Variants in NCOA1 observed in about 807,000 individuals in gnomAD.
NCOA1 encodes the protein nuclear receptor coactivator 1, also known as Hin-2 protein.
NCOA1 carries 35 observed loss-of-function variants against 150.9 expected under a neutral mutation model. That is an observed-to-expected ratio of 0.23 (90% CI 0.18 to 0.31). The LOEUF is 0.31. Among genes scored for constraint, NCOA1 ranks in the 10% least tolerant of loss-of-function variants. NCOA1 has a pLI of 1.00. For synonymous variants in NCOA1, 590 were observed against 630.0 expected (o/e 0.94, Z 0.95); for missense variants, 1,491 against 1,749.3 (o/e 0.85, Z 2.63).
At chr2:24,628,823 C>A (rs998423771) in intron 3 of NCOA1, among the ~76,000 whole-genome samples, 3 of 152,080 alleles carry the variant, frequency 2.0e-5, no homozygotes, top group African/African-American at 7.2e-5. Context: ...ATAGGAGAAA[C>A]TTTTAGGAAA....
intron 1 of NCOA1, among the ~76,000 whole-genome samples, chr2:24,540,257 T>C (rs142819247): frequency 6.6e-4 from 101 of 152,326 alleles, no homozygotes; most frequent in African/African-American, 2.4e-3. Context: ...TTCTAAAATG[T>C]GTACCTAATA....
chr2:24,769,022 A>G lies in NCOA1; in HGVS notation c.*631A>G, dbSNP rs56174197. ...AGATGCCTCCAGGAAAGAGGACGAA[A>G]TGAGTATATTCACAGAGGAATCCAA... On this transcript the variant is annotated 3_prime_UTR_variant, in exon 23 of 23. Transcript: ENST00000348332. 2,248 of 213,418 alleles carry G rather than the reference A, an allele frequency of 0.011. 53 individuals are homozygous for G. Among genetic ancestry groups the G allele is most frequent in the African/African-American group, 0.048 (2,125 of 44,280 alleles). 13.2% of individuals were successfully genotyped at this position (213,418 alleles called of 1,614,324 possible). A position where few individuals can be genotyped will look rare whatever the true frequency, so the allele number is the denominator to read the frequency against.
intron 17 of NCOA1, among the ~76,000 whole-genome samples, chr2:24,735,435 T>C (rs1313436736): frequency 1.3e-5 from 2 of 152,284 alleles, no homozygotes; most frequent in East Asian, 3.9e-4. Context: ...GCCTAGTGAT[T>C]TGAGAAAAGA....
chr2:24,530,703 A>G (rs78517929), intron 1 of NCOA1, among the ~76,000 whole-genome samples: 5,977 of 152,344 alleles, frequency 0.039, 161 homozygotes, highest in African/African-American at 0.081. Context: ...CAGAGTCCAC[A>G]TAACACTTAG....
chr2:24,542,208 A>G (rs983908313), intron 1 of NCOA1, among the ~76,000 whole-genome samples: 5 of 152,216 alleles, frequency 3.3e-5, no homozygotes, highest in Admixed American at 2.0e-4. Flanking sequence ...TAGTCAAACA[A>G]TACAGAAAGT....
chr2:24,598,830 C>T (rs1217495776), intron 3 of NCOA1, among the ~76,000 whole-genome samples: 1 of 151,862 alleles, frequency 6.6e-6, no homozygotes, highest in Non-Finnish European at 1.5e-5. Context: ...GGGTATATTG[C>T]ATAACTCTGG....
intron 3 of NCOA1, among the ~76,000 whole-genome samples, chr2:24,638,180 CTTTTTT>C (rs544369191): frequency 2.2e-5 from 2 of 89,508 alleles, no homozygotes; most frequent in African/African-American, 3.7e-5. Flanking sequence ...ATGAGATCAA[CTTTTTT>C]TTTTTTTTTT....
Position 24,557,514 on chromosome 2 carries a change from C to CTCTTCTTCCTCT in NCOA1, c.-395-6772_-395-6761dup, listed in dbSNP as rs1187063284. ...CCCCCTCCTCCTCCTGCTCCTCCTC[C>CTCTTCTTCCTCT]TCTTCTTCCTCTTCTTCTTCTTCCT... On this transcript the variant is annotated intron_variant, in intron 1 of 22. Coordinates refer to ENST00000348332, the MANE Select transcript of NCOA1 (RefSeq NM_003743.5). Among the ~76,000 whole-genome samples the CTCTTCTTCCTCT allele has an allele frequency of 1.9e-4, 29 of 151,836 alleles. No individual in the cohort carries two copies. In the East Asian group the frequency reaches 5.1e-3, roughly 27 times the overall value.
chr2:24,690,651 C>CAA (rs70947837), intron 8 of NCOA1, among the ~76,000 whole-genome samples: 21,181 of 38,410 alleles, frequency 0.55, 8,325 homozygotes, highest in Middle Eastern at 0.65. Flanking sequence ...GATTCCATCT[C>CAA]AAAAAAAAAA....
intron 3 of NCOA1, among the ~76,000 whole-genome samples, chr2:24,627,811 G>A (rs1208698967): frequency 6.6e-6 from 1 of 152,210 alleles, no homozygotes; most frequent in Non-Finnish European, 1.5e-5. Context: ...AGGTTTTTGA[G>A]TGTGGATTTT....
intron 11 of NCOA1, among the ~76,000 whole-genome samples, chr2:24,701,259 C>T: frequency 6.6e-6 from 1 of 151,962 alleles, no homozygotes; most frequent in East Asian, 1.9e-4. Context: ...AATCCCAGCC[C>T]TTGGGAGGCT....
chr2:24,649,142 C>T (rs1183812462), intron 4 of NCOA1, among the ~76,000 whole-genome samples: 1 of 151,888 alleles, frequency 6.6e-6, no homozygotes, highest in African/African-American at 2.4e-5. Context: ...GTAGCCAAGA[C>T]CACACTTGAA....
intron 2 of NCOA1, among the ~76,000 whole-genome samples, chr2:24,568,553 G>T (rs1666604681): frequency 6.6e-6 from 1 of 152,114 alleles, no homozygotes; most frequent in Admixed American, 6.5e-5. Flanking sequence ...AAATGTGTGT[G>T]AAATAATGAA....
At chr2:24,500,331 C>T (rs975540450) in intron 1 of NCOA1, among the ~76,000 whole-genome samples, 1 of 152,170 alleles carries the variant, frequency 6.6e-6, no homozygotes, top group African/African-American at 2.4e-5. Flanking sequence ...TGGTCTTGAA[C>T]TCCCAACCTC....
At chr2:24,534,958 A>G (rs1229869813) in intron 1 of NCOA1, among the ~76,000 whole-genome samples, 6 of 152,154 alleles carry the variant, frequency 3.9e-5, no homozygotes, top group African/African-American at 9.7e-5. Context: ...GTAGATGTCT[A>G]TTAGTTCTGC....
chr2:24,738,164 A>C (rs564180691), intron 17 of NCOA1, among the ~76,000 whole-genome samples: 6 of 152,018 alleles, frequency 3.9e-5, no homozygotes, highest in Non-Finnish European at 7.4e-5. Flanking sequence ...CTGAAGTTAG[A>C]ATTAAGAGTT....
intron 1 of NCOA1, among the ~76,000 whole-genome samples, chr2:24,509,445 T>C (rs1194679662): frequency 1.3e-5 from 2 of 152,174 alleles, no homozygotes; most frequent in Admixed American, 6.5e-5. Flanking sequence ...ATAAGATAGA[T>C]ATTAAAGTGA....
chr2:24,755,359 C>G (rs1469823841), intron 20 of NCOA1, among the ~76,000 whole-genome samples: 2 of 152,230 alleles, frequency 1.3e-5, no homozygotes, highest in Non-Finnish European at 2.9e-5. Context: ...AATCCCATTG[C>G]TTATTAGCAT....
At position 24,707,217 on chromosome 2, in the gene NCOA1, A is replaced by G. The variant is rs1164558994; in HGVS notation, c.1747A>G (p.Lys583Glu). 2 of 1,614,112 alleles carry G rather than the reference A, an allele frequency of 1.2e-6. No homozygotes were observed. Among genetic ancestry groups the G allele is most frequent in the African/African-American group, 1.3e-5 (1 of 74,942 alleles). Residue 583 changes from lysine (K) to glutamate (E), a missense_variant, in exon 13 of 23, where the codon AAA (lysine) becomes GAA (glutamate). Physicochemically the swap from Lys to Glu is moderately conservative, Grantham distance 56. This residue lies in a region of NCOA1 where 703 missense variants were observed against 717.7 expected (regional missense o/e 0.98). Coordinates refer to ENST00000348332, the MANE Select transcript of NCOA1 (RefSeq NM_003743.5). ...LNIQPAKAES[K>E]DNKEIASILN... ...TATACAACCAGCAAAAGCTGAGTCCAAAGATAACAAAGAGATTGCCTCAAT... is the reference window on the plus strand; with the variant it reads ...TATACAACCAGCAAAAGCTGAGTCCGAAGATAACAAAGAGATTGCCTCAAT...
Sources: allele counts gnomAD v4.1 joint callset (sites outside exome capture counted in the v4.1 genomes callset), GRCh38; gene constraint gnomAD v4.1.1; regional missense constraint gnomAD v4.1.1; transcripts MANE v1.5; gene names NCBI Gene and HGNC (gene_info 2026-07-23, HGNC 2026-07-21).